TJP3: variants seen among roughly 807,000 people sequenced by gnomAD.
TJP3 encodes tight junction protein 3, also known as tight junction protein ZO-3.
In TJP3, 85 loss-of-function variants were observed where a neutral mutation model predicts 104.2. The ratio of observed to expected loss-of-function variants is 0.82; its 90% confidence interval spans 0.68 to 0.98. The LOEUF (loss-of-function observed/expected upper bound fraction) is 0.98, where lower values mean the gene tolerates loss of function less well. Ranked by LOEUF, TJP3 falls within the 50% of genes least tolerant of loss-of-function variation. TJP3 has a pLI of 0.00. For synonymous variants in TJP3, 550 were observed against 550.6 expected (o/e 1.00, Z 0.02); for missense variants, 1,367 against 1,322.8 (o/e 1.03, Z -0.52).
chr19:3,746,079 AAAGT>A lies in TJP3; in HGVS notation c.2010+2_2010+5del. On this transcript the variant is annotated splice_donor_variant and coding_sequence_variant, in exon 16 of 21. Transcript: ENST00000541714. LOFTEE classifies it high-confidence loss of function. The surrounding 1 kb of genome is among the most constrained non-coding windows in gnomAD (Gnocchi z 4.1). Reference sequence around the variant, plus strand: ...AGACACCGTGCGGGTGATTGCAGAAAAAGTAAGCCGGGTCCTGCTACGGGTCCCA... The same window carrying A: ...AGACACCGTGCGGGTGATTGCAGAAAAAGCCGGGTCCTGCTACGGGTCCCA... The A allele has an allele frequency of 1.9e-6, 3 of 1,607,548 alleles. No homozygotes were observed. Among genetic ancestry groups the A allele is most frequent in the Non-Finnish European group, 1.7e-6 (2 of 1,176,772 alleles).
chr19:3,721,865 G>T, intron 1 of TJP3: 1 of 1,219,290 alleles, frequency 8.2e-7, no homozygotes. Flanking sequence ...CCCTCGGGTA[G>T]GGGGGCTGGA....
chr19:3,718,138 A>G (rs1218939344), intron 1 of TJP3, among the ~76,000 whole-genome samples: 13 of 146,894 alleles, frequency 8.8e-5, no homozygotes, highest in South Asian at 4.4e-4. Context: ...CCCGGGAAGC[A>G]GAGCTTGCAG....
At chr19:3,747,201 C>T (rs1359612832) in intron 18 of TJP3, among the ~76,000 whole-genome samples, 1 of 151,918 alleles carries the variant, frequency 6.6e-6, no homozygotes, top group Non-Finnish European at 1.5e-5. Context: ...GCTGGGACTA[C>T]AGGCGAGCGC....
chr19:3,741,551 C>T (rs566717687), intron 14 of TJP3, among the ~76,000 whole-genome samples: 4 of 142,918 alleles, frequency 2.8e-5, no homozygotes, highest in East Asian at 2.1e-4. Context: ...CACTTGAACC[C>T]GGGAGGCAGA....
At chr19:3,721,139 A>C (rs1376083786) in intron 1 of TJP3, among the ~76,000 whole-genome samples, 1 of 151,796 alleles carries the variant, frequency 6.6e-6, no homozygotes, top group African/African-American at 2.4e-5. Flanking sequence ...TGACCTCGTG[A>C]TCCGCTCGCC....
chr19:3,744,335 A>G (rs2145701720), intron 15 of TJP3, among the ~76,000 whole-genome samples: 1 of 152,310 alleles, frequency 6.6e-6, no homozygotes, highest in Non-Finnish European at 1.5e-5. Flanking sequence ...TGAACACGAC[A>G]GGCAAGGTCC....
chr19:3,728,725 G>A lies in TJP3; in HGVS notation c.158+12G>A. 2 of 1,612,704 alleles carry A rather than the reference G, an allele frequency of 1.2e-6. No individual in the cohort carries two copies. Among genetic ancestry groups the A allele is most frequent in the Non-Finnish European group, 1.7e-6 (2 of 1,179,768 alleles). ...GAGGGCAGGCTACAGTGAGTATCCA[G>A]GCAGCTGGGTTCTGGCGGGGGAGGG... On this transcript the variant is annotated intron_variant, in intron 3 of 20. Transcript: ENST00000541714.
chr19:3,714,242 G>T lies in TJP3; in HGVS notation c.-10+5681G>T, dbSNP rs189760976. ...TTTTTGTATTTTTAGTAGAGACAGGGTTTCATCATCTTGGCCTGGTTGGTC... is the reference window on the plus strand; with the variant it reads ...TTTTTGTATTTTTAGTAGAGACAGGTTTTCATCATCTTGGCCTGGTTGGTC... On this transcript the variant is annotated intron_variant, in intron 1 of 20. Coordinates refer to ENST00000541714, the MANE Select transcript of TJP3 (RefSeq NM_001267560.2). Among the ~76,000 whole-genome samples, 894 of 152,108 alleles carry T rather than the reference G, an allele frequency of 5.9e-3. 5 individuals are homozygous for T. Among genetic ancestry groups the T allele is most frequent in the Non-Finnish European group, 9.6e-3 (651 of 67,990 alleles).
At chr19:3,710,186 G>C (rs114799082) in intron 1 of TJP3, among the ~76,000 whole-genome samples, 2,436 of 150,068 alleles carry the variant, frequency 0.016, 81 homozygotes, top group African/African-American at 0.056. Flanking sequence ...GGGATATGGA[G>C]TCACCAAGGC....
At chr19:3,724,113 G>T (rs554970223) in intron 1 of TJP3, among the ~76,000 whole-genome samples, 1 of 152,070 alleles carries the variant, frequency 6.6e-6, no homozygotes, top group Non-Finnish European at 1.5e-5. Flanking sequence ...AGACGAACCC[G>T]CACAAGCTGG....
At position 3,740,556 on chromosome 19, in the gene TJP3, G is replaced by A; in HGVS notation, c.1636G>A (p.Glu546Lys). ...RGIIPNQSRAEQLASLEAAQR... is the reference protein window; with the variant it reads ...RGIIPNQSRAKQLASLEAAQR... The stretch of plus-strand genomic sequence containing the variant: ...ACTGTCCCCTCTTCTCCCCAGGGCG[G>A]AGCAGCTGGCCAGCCTGGAAGCTGC... The change falls in exon 14 of 21, where the codon GAG (glutamate) becomes AAG (lysine). Residue 546 changes from glutamate (E) to lysine (K), a missense_variant. Physicochemically the swap from Glu to Lys is moderately conservative, Grantham distance 56 (BLOSUM62 1). Coordinates refer to ENST00000541714, the MANE Select transcript of TJP3 (RefSeq NM_001267560.2). 1.4e-6 allele frequency: 2 copies of A among 1,475,428 alleles called. No individual in the cohort carries two copies. The highest frequency in any genetic ancestry group is 9.0e-7 in the Non-Finnish European group (1 of 1,113,760). The allele number at this position is 1,475,428 out of a possible 1,614,324, so 91.4% of individuals were successfully genotyped here.
At chr19:3,739,447 G>A (rs377564515) in intron 13 of TJP3, among the ~76,000 whole-genome samples, 1 of 152,086 alleles carries the variant, frequency 6.6e-6, no homozygotes, top group East Asian at 1.9e-4. Context: ...CCGAGATCAC[G>A]CCACTGCACT....
In TJP3 at chr19:3,746,629, C is replaced by G; in HGVS notation, c.2155C>G (p.Arg719Gly). The G allele has an allele frequency of 6.2e-7, 1 of 1,613,226 alleles. No individual in the cohort carries two copies. Among genetic ancestry groups the G allele is most frequent in the South Asian group, 1.1e-5 (1 of 91,070 alleles). Residue 719 changes from arginine (R) to glycine (G), a missense_variant, in exon 17 of 21, where the codon CGC (arginine) becomes GGC (glycine). Arg to Gly is a moderately radical substitution (Grantham distance 125, BLOSUM62 -2). Transcript: ENST00000541714. This position sits in a 1 kb window ranked among gnomAD's most constrained non-coding sequence, Gnocchi z 4.1. The stretch of plus-strand genomic sequence containing the variant: ...CCAGTGGCTGGCGCCTGCCTCCCGC[C>G]GCAGCACCCGTCGCCTCTACGCACA... ...LRQWLAPASRRSTRRLYAQAQ... is the reference protein window; with the variant it reads ...LRQWLAPASRGSTRRLYAQAQ...
At chr19:3,723,828 T>TATAA (rs1462684292) in intron 1 of TJP3, among the ~76,000 whole-genome samples, 1 of 134,474 alleles carries the variant, frequency 7.4e-6, no homozygotes, top group African/African-American at 2.7e-5. Flanking sequence ...TATATATATA[T>TATAA]AAAATAATAA....
intron 18 of TJP3, 57 bp from the exon 19 acceptor site, chr19:3,747,737 G>T: frequency 6.8e-7 from 1 of 1,468,602 alleles, no homozygotes; most frequent in South Asian, 1.4e-5. Flanking sequence ...GGGATGTCGT[G>T]GGTGGCAGCT....
rs185273238 is a variant in TJP3 at position 3,718,032 on chromosome 19, G to C, written c.-10+9471G>C. On this transcript the variant is annotated intron_variant, in intron 1 of 20. Coordinates refer to ENST00000541714, the MANE Select transcript of TJP3 (RefSeq NM_001267560.2). ...AGTTTGAGACCATCCTGGCTAACAC[G>C]GTGAAACCCCATCTCTACTAAAAGT... is the stretch of plus-strand genomic sequence containing the variant. 5.3e-5 allele frequency among the ~76,000 whole-genome samples: 8 copies of C among 151,672 alleles called. No individual in the cohort carries two copies. The East Asian group carries it at 1.6e-3, about 30-fold the overall frequency.
intron 1 of TJP3, among the ~76,000 whole-genome samples, chr19:3,715,367 G>A (rs1003902688): frequency 2.0e-5 from 3 of 152,168 alleles, no homozygotes; most frequent in African/African-American, 4.8e-5. Flanking sequence ...GGGATTACAG[G>A]TGTGAGCCAC....
chr19:3,750,018 G>A, intron 19 of TJP3, 120 bp from the exon 20 acceptor site: 1 of 1,260,236 alleles, frequency 7.9e-7, no homozygotes, highest in South Asian at 1.2e-5. Context: ...CTTGTCACGG[G>A]GTTAGCAAGT....
chr19:3,734,548 G>C, intron 8 of TJP3, 113 bp downstream of exon 8: 2 of 934,062 alleles, frequency 2.1e-6, no homozygotes, highest in Non-Finnish European at 3.1e-6. Flanking sequence ...ACGCAGTCCT[G>C]TATTTCTAGC....
Sources: gnomAD v4.1 joint callset for allele counts (sites outside exome capture counted in the v4.1 genomes callset) on GRCh38, gnomAD v4.1.1 for gene constraint, Gnocchi (gnomAD v3.1) non-coding constraint, MANE v1.5 for transcripts, NCBI Gene and HGNC (gene_info 2026-07-23, HGNC 2026-07-21) for gene names.